Variants in MCF2 observed in about 807,000 individuals in gnomAD.
MCF2 encodes MCF.2 cell line derived transforming sequence.
Under a neutral mutation model 82.5 loss-of-function variants are expected in MCF2, and 44 were observed. The observed-to-expected ratio is 0.53, with a 90% CI of 0.42 to 0.69. The LOEUF (loss-of-function observed/expected upper bound fraction) is 0.69. Ranked by LOEUF, MCF2 falls within the 30% of genes least tolerant of loss-of-function variation. The pLI is 0.00. For missense variants in MCF2, 623 were observed against 663.1 expected (o/e 0.94, Z 0.66); for synonymous variants, 217 against 224.9 (o/e 0.96, Z 0.32).
intron 19 of MCF2, among the ~76,000 whole-genome samples, chrX:139,592,123 T>G (rs73573954): frequency 0.041 from 4,592 of 111,644 alleles, 119 homozygotes; most frequent in African/African-American, 0.088. Flanking sequence ...ATTTTCCAAG[T>G]AATCCTGGTC....
At chrX:139,659,531 C>G (rs1934299006) in intron 1 of MCF2, among the ~76,000 whole-genome samples, 1 of 111,375 alleles carries the variant, frequency 9.0e-6, no homozygotes, top group African/African-American at 3.3e-5. Context: ...AACACTTGAA[C>G]TTTATTTCAC....
chrX:139,586,321 A>G (rs751875906), intron 23 of MCF2, 57 bp downstream of exon 27: 253 of 833,732 alleles, frequency 3.0e-4, no homozygotes, highest in Non-Finnish European at 4.3e-4. Context: ...AATTAATAAT[A>G]CGAGGTAAAA....
intron 6 of MCF2, among the ~76,000 whole-genome samples, chrX:139,623,865 G>A (rs1206093195): frequency 1.8e-5 from 2 of 112,113 alleles, no homozygotes; most frequent in African/African-American, 6.5e-5. Flanking sequence ...CTGGACATGG[G>A]AGTTGAAAAT....
intron 12 of MCF2, among the ~76,000 whole-genome samples, chrX:139,606,307 T>A (rs1931008504): frequency 9.1e-6 from 1 of 110,090 alleles, no homozygotes; most frequent in Non-Finnish European, 1.9e-5. Flanking sequence ...AGGCCGCAGA[T>A]TTTTTTACCC....
upstream of MCF2, among the ~76,000 whole-genome samples, chrX:139,643,804 C>T (rs1381413294): frequency 9.0e-5 from 10 of 111,215 alleles, no homozygotes; most frequent in Non-Finnish European, 1.9e-5. Context: ...AAAATAGAAC[C>T]TCTGTTACAA....
At chrX:139,708,085 C>G (rs1450126724) in intron 1 of MCF2, 21 bp downstream of exon 1, 2 of 111,946 alleles carry the variant, frequency 1.8e-5, no homozygotes, top group African/African-American at 6.5e-5. Flanking sequence ...TTATATTACT[C>G]TAAGGTAAAG....
chrX:139,642,850 AAGG>A (rs1263440585), exon 1 of MCF2: 2 of 904,309 alleles, frequency 2.2e-6, no homozygotes, highest in African/African-American at 4.2e-5. Context: ...CTAAGAGTGG[AAGG>A]AGGAGGAAAA....
intron 19 of MCF2, among the ~76,000 whole-genome samples, chrX:139,592,488 G>T (rs1228015233): frequency 1.8e-5 from 2 of 111,844 alleles, no homozygotes; most frequent in Non-Finnish European, 3.8e-5. Context: ...ATATTAGGTA[G>T]AAATTAGGTC....
At chrX:139,634,471 C>T (rs747672696) in intron 1 of MCF2, among the ~76,000 whole-genome samples, 1 of 111,557 alleles carries the variant, frequency 9.0e-6, no homozygotes, top group Non-Finnish European at 1.9e-5. Flanking sequence ...TGGGGATTTT[C>T]CTAATTCAAT....
rs766608581 is a variant in MCF2 at position 139,609,629 on chromosome X, T to C, written c.1401+672A>G. 1.1e-4 allele frequency among the ~76,000 whole-genome samples: 12 copies of C among 111,064 alleles called. No homozygotes were observed. In the South Asian group the frequency reaches 2.3e-3, roughly 21 times the overall value. ...CTACTTCTTTACAGATATCAGATTA[T>C]CATGGATAACTGAGAAGAACAGAAT... On this transcript the variant is annotated intron_variant, in intron 11 of 24. Coordinates refer to ENST00000370576, the Ensembl canonical transcript of MCF2.
chrX:139,595,900 C>T (rs2148412907), intron 19 of MCF2, among the ~76,000 whole-genome samples: 1 of 110,490 alleles, frequency 9.1e-6, no homozygotes, highest in African/African-American at 3.3e-5. Context: ...AATAACTTCC[C>T]CAAACAATAC....
intron 1 of MCF2, among the ~76,000 whole-genome samples, chrX:139,663,881 T>C (rs1187504937): frequency 9.0e-6 from 1 of 111,456 alleles, no homozygotes; most frequent in Non-Finnish European, 1.9e-5. Context: ...AATTGTTATA[T>C]CCACTTGCTG....
intron 24 of MCF2, 91 bp downstream of exon 28, chrX:139,584,975 G>A: frequency 1.8e-6 from 1 of 544,368 alleles, no homozygotes. Context: ...TGGCCTCAAG[G>A]ATGCTGACAA....
intron 1 of MCF2, among the ~76,000 whole-genome samples, chrX:139,656,904 C>T (rs181788938): frequency 1.8e-5 from 2 of 112,019 alleles, no homozygotes; most frequent in African/African-American, 6.5e-5. Context: ...ACAGCATGTT[C>T]CTTGTTGACT....
At chrX:139,612,130 A>G (rs1259631490) in intron 10 of MCF2, among the ~76,000 whole-genome samples, 1 of 110,370 alleles carries the variant, frequency 9.1e-6, no homozygotes, top group East Asian at 2.9e-4. Flanking sequence ...CTTAGTAGGC[A>G]CAAATCCACA....
intron 24 of MCF2, among the ~76,000 whole-genome samples, chrX:139,584,129 T>A (rs111646052): frequency 0.013 from 848 of 67,569 alleles, 16 homozygotes; most frequent in African/African-American, 0.073. Flanking sequence ...GCCATTATCC[T>A]TTTTTTTTTT....
chrX:139,679,165 A>G (rs1934943485), intron 1 of MCF2, among the ~76,000 whole-genome samples: 1 of 112,515 alleles, frequency 8.9e-6, no homozygotes, highest in Admixed American at 9.4e-5. Context: ...CTATGCATTC[A>G]ATGTCATTTT....
At chrX:139,652,775 C>T (rs1934071210) in intron 1 of MCF2, among the ~76,000 whole-genome samples, 1 of 110,771 alleles carries the variant, frequency 9.0e-6, no homozygotes, top group South Asian at 4.0e-4. Context: ...CCTTCAAAGT[C>T]CTGGTCTCTG....
intron 16 of MCF2, among the ~76,000 whole-genome samples, chrX:139,600,169 GGGGAAAAAA>G (rs1380542851): frequency 2.0e-4 from 22 of 110,701 alleles, no homozygotes; most frequent in African/African-American, 6.5e-4. Flanking sequence ...TGCTTAGATT[GGGGAAAAAA>G]GGGAGGGTAA....
Sources: gnomAD v4.1 joint callset for allele counts (sites outside exome capture counted in the v4.1 genomes callset) on GRCh38, gnomAD v4.1.1 for gene constraint, MANE v1.5 for transcripts, NCBI Gene and HGNC (gene_info 2026-07-23, HGNC 2026-07-21) for gene names.